Variants in SLCO1B1 observed in about 807,000 individuals in gnomAD.
SLCO1B1 encodes the protein solute carrier organic anion transporter family member 1B1.
A neutral mutation model predicts 70.1 loss-of-function variants in SLCO1B1; 81 were observed. The observed-to-expected ratio is 1.16, with a 90% confidence interval of 0.97 to 1.39. SLCO1B1 has a LOEUF of 1.39. SLCO1B1 is among the 40% of genes most tolerant of loss of function. The probability of loss-of-function intolerance (pLI) is 0.00; values close to 1 mark genes in which losing one functional copy is unlikely to be tolerated. For synonymous variants in SLCO1B1, 283 were observed against 271.5 expected (o/e 1.04, Z -0.42); for missense variants, 895 against 799.6 (o/e 1.12, Z -1.44).
At chr12:21,150,136 C>G (rs1329101244) in intron 2 of SLCO1B1, among the ~76,000 whole-genome samples, 2 of 152,170 alleles carry the variant, frequency 1.3e-5, no homozygotes, top group Non-Finnish European at 2.9e-5. Flanking sequence ...GCCAGACTGC[C>G]TCTCTAGATT....
intron 5 of SLCO1B1, 118 bp from the exon 6 acceptor site, chr12:21,178,455 TTAC>T (rs1200412297): frequency 1.4e-6 from 1 of 718,134 alleles, no homozygotes; most frequent in East Asian, 2.7e-5. Context: ...TGAATATAAA[TTAC>T]TTGTACTTGT....
chr12:21,224,068 C>T (rs1200949082), intron 13 of SLCO1B1, among the ~76,000 whole-genome samples: 1 of 152,128 alleles, frequency 6.6e-6, no homozygotes, highest in Non-Finnish European at 1.5e-5. Context: ...GCCTAAGCTG[C>T]TTCAGGAGGT....
chr12:21,186,461 G>A (rs1940962923), intron 7 of SLCO1B1, among the ~76,000 whole-genome samples: 1 of 151,994 alleles, frequency 6.6e-6, no homozygotes, highest in Non-Finnish European at 1.5e-5. Flanking sequence ...TTTTTATACT[G>A]TTTAGTGCAA....
intron 1 of SLCO1B1, among the ~76,000 whole-genome samples, chr12:21,136,677 T>C (rs1940227178): frequency 6.6e-6 from 1 of 152,236 alleles, no homozygotes; most frequent in African/African-American, 2.4e-5. Context: ...GGTTTTCAGC[T>C]CCATCAAGTC....
chr12:21,186,299 T>C (rs1315305412), intron 7 of SLCO1B1, among the ~76,000 whole-genome samples: 2 of 152,166 alleles, frequency 1.3e-5, no homozygotes, highest in Non-Finnish European at 2.9e-5. Flanking sequence ...ACTGCTGTAA[T>C]AATTTCATAG....
chr12:21,221,856 A>G (rs1251233899), intron 12 of SLCO1B1, among the ~76,000 whole-genome samples: 1 of 152,144 alleles, frequency 6.6e-6, no homozygotes, highest in Non-Finnish European at 1.5e-5. Context: ...AGATTTTTCA[A>G]GTATCTGAAA....
At chr12:21,166,004 G>A (rs941671710) in intron 2 of SLCO1B1, among the ~76,000 whole-genome samples, 19 of 148,190 alleles carry the variant, frequency 1.3e-4, no homozygotes, top group African/African-American at 4.2e-4. Context: ...CTGAGAAGCA[G>A]AAAGAAAAAA....
chr12:21,239,255 T>G lies in SLCO1B1; in HGVS notation c.*66T>G. 8.5e-7 allele frequency: 1 copy of G among 1,171,126 alleles called. No individual in the cohort carries two copies. The highest frequency in any genetic ancestry group is 1.3e-6 in the Non-Finnish European group (1 of 778,302). The allele number at this position is 1,171,126 out of a possible 1,614,324, so 72.5% of individuals were successfully genotyped here. A position where few individuals can be genotyped will look rare whatever the true frequency, so the allele number is the denominator to read the frequency against. On this transcript the variant is annotated 3_prime_UTR_variant, in exon 15 of 15. Transcript: ENST00000256958. ...AGCATTGCATTGATTCAGTAAGATG[T>G]TATTTTTGAGGAGTTCCTGGTCCTT...
chr12:21,202,637 A>G lies in SLCO1B1; in HGVS notation c.1282A>G (p.Ile428Val), dbSNP rs555864085. 2.5e-6 allele frequency: 4 copies of G among 1,612,774 alleles called. No homozygotes were observed. Among genetic ancestry groups the G allele is most frequent in the African/African-American group, 1.3e-5 (1 of 74,842 alleles). Reference protein sequence around the residue: ...SLSFYLLYFFILCENKSVAGL... With the variant: ...SLSFYLLYFFVLCENKSVAGL... ...GTCCTTTTACCTATTATATTTTTTC[A>G]TACTCTGTGAAAACAAATCAGTTGC... Residue 428 changes from isoleucine (I) to valine (V), a missense_variant, in exon 10 of 15, where the codon ATA (isoleucine) becomes GTA (valine). Ile to Val is a conservative substitution (Grantham distance 29). Coordinates refer to ENST00000256958, the MANE Select transcript of SLCO1B1 (RefSeq NM_006446.5).
At chr12:21,204,699 C>A (rs1014761964) in intron 10 of SLCO1B1, among the ~76,000 whole-genome samples, 51 of 151,972 alleles carry the variant, frequency 3.4e-4, no homozygotes, top group Admixed American at 7.9e-4. Context: ...TATTAATACA[C>A]AGAAATTAAT....
chr12:21,189,085 G>A (rs1286371537), intron 7 of SLCO1B1, among the ~76,000 whole-genome samples: 1 of 152,120 alleles, frequency 6.6e-6, no homozygotes, highest in Non-Finnish European at 1.5e-5. Context: ...AAATGCAAAT[G>A]GTCTCTTCAA....
chr12:21,224,685 G>C (rs1227278393), intron 13 of SLCO1B1, 37 bp from the exon 14 acceptor site: 2 of 1,190,444 alleles, frequency 1.7e-6, no homozygotes, highest in Admixed American at 3.4e-5. Flanking sequence ...TTTAAAATAT[G>C]TTCCCTAAAC....
At chr12:21,226,433 A>G (rs1197210984) in intron 14 of SLCO1B1, among the ~76,000 whole-genome samples, 3 of 151,904 alleles carry the variant, frequency 2.0e-5, no homozygotes, top group Admixed American at 2.0e-4. Flanking sequence ...AAAAAAAAGA[A>G]CATTAAAAAA....
At chr12:21,153,077 A>T (rs1940495524) in intron 2 of SLCO1B1, among the ~76,000 whole-genome samples, 1 of 152,166 alleles carries the variant, frequency 6.6e-6, no homozygotes, top group African/African-American at 2.4e-5. Flanking sequence ...ATAAGCTGTG[A>T]CACTTTGTAA....
At chr12:21,144,077 G>A (rs1435684884) in intron 2 of SLCO1B1, among the ~76,000 whole-genome samples, 1 of 152,014 alleles carries the variant, frequency 6.6e-6, no homozygotes, top group Non-Finnish European at 1.5e-5. Flanking sequence ...CATAGAACCT[G>A]CTAGTATATG....
chr12:21,135,442 T>C (rs1471323084), intron 1 of SLCO1B1, among the ~76,000 whole-genome samples: 2 of 152,172 alleles, frequency 1.3e-5, no homozygotes, highest in Non-Finnish European at 2.9e-5. Context: ...GGTGTTAAAG[T>C]CTCCCATTAT....
chr12:21,180,056 G>A (rs1022134430), intron 7 of SLCO1B1, among the ~76,000 whole-genome samples: 2 of 152,010 alleles, frequency 1.3e-5, no homozygotes, highest in East Asian at 1.9e-4. Context: ...TTGTAAATGG[G>A]TATATTTCTA....
chr12:21,169,294 TA>T (rs921908442), intron 2 of SLCO1B1, among the ~76,000 whole-genome samples: 1 of 152,090 alleles, frequency 6.6e-6, no homozygotes, highest in Non-Finnish European at 1.5e-5. Context: ...TCTTAAGATT[TA>T]AAAAAATGGG....
Position 21,217,209 on chromosome 12 carries a change from T to C in SLCO1B1, c.1588T>C (p.Cys530Arg). 1.2e-6 allele frequency: 2 copies of C among 1,613,794 alleles called. No homozygotes were observed. Among genetic ancestry groups the C allele is most frequent in the South Asian group, 2.2e-5 (2 of 91,082 alleles). The change falls in exon 12 of 15, where the codon TGT becomes CGT. Residue 530 changes from cysteine to arginine, a missense_variant. Cys to Arg is a radical substitution (Grantham distance 180). Coordinates refer to ENST00000256958, the MANE Select transcript of SLCO1B1 (RefSeq NM_006446.5). Reference protein sequence around the residue: ...HLGECPRDDACTRKFYFFVAI... With the variant: ...HLGECPRDDARTRKFYFFVAI... The stretch of plus-strand genomic sequence containing the variant: ...GGGTGAATGCCCAAGAGATGATGCT[T>C]GTACAAGGAAATTTTACTTTTTTGT...
Sources: gnomAD v4.1 joint callset for allele counts (sites outside exome capture counted in the v4.1 genomes callset) on GRCh38, gnomAD v4.1.1 for gene constraint, MANE v1.5 for transcripts, NCBI Gene and HGNC (gene_info 2026-07-23, HGNC 2026-07-21) for gene names.